The following ARHGAP5 variants were observed in gnomAD, a reference collection of about 807,000 sequenced individuals.
ARHGAP5 encodes the protein Rho GTPase activating protein 5.
Under a neutral mutation model 116.6 loss-of-function variants are expected in ARHGAP5, and 23 were observed. The observed-to-expected ratio is 0.20, with a 90% CI of 0.14 to 0.28. The LOEUF is 0.28. Among genes scored for constraint, ARHGAP5 ranks in the 10% least tolerant of loss-of-function variants. The pLI, the probability that ARHGAP5 is intolerant of heterozygous loss-of-function variation, is 1.00. For synonymous variants in ARHGAP5, 574 were observed against 602.0 expected (o/e 0.95, Z 0.68); for missense variants, 1,405 against 1,774.8 (o/e 0.79, Z 3.74).
intron 2 of ARHGAP5, among the ~76,000 whole-genome samples, chr14:32,115,993 T>TA (rs993795543): frequency 4.5e-4 from 64 of 141,096 alleles, no homozygotes; most frequent in Middle Eastern, 3.8e-3. Flanking sequence ...AGACTCCGTC[T>TA]AAAAAAAAAA....
chr14:32,133,161 A>G (rs1566678602), intron 3 of ARHGAP5, among the ~76,000 whole-genome samples: 1 of 152,182 alleles, frequency 6.6e-6, no homozygotes, highest in Non-Finnish European at 1.5e-5. Context: ...CATTGAATCT[A>G]TAAATTACCT....
intron 1 of ARHGAP5, 151 bp downstream of exon 1, chr14:32,077,586 C>G: frequency 1.8e-6 from 1 of 553,172 alleles, no homozygotes; most frequent in Non-Finnish European, 3.2e-6. Flanking sequence ...GAGCCTGGCG[C>G]TGCGCTCGGT....
intron 3 of ARHGAP5, among the ~76,000 whole-genome samples, chr14:32,130,975 G>A (rs1880455231): frequency 6.6e-6 from 1 of 152,164 alleles, no homozygotes; most frequent in African/African-American, 2.4e-5. Context: ...GAGGCTGGTG[G>A]GAGGTGCTGA....
At chr14:32,153,815 G>A (rs182518847) in intron 6 of ARHGAP5, among the ~76,000 whole-genome samples, 7 of 151,872 alleles carry the variant, frequency 4.6e-5, no homozygotes, top group African/African-American at 1.7e-4. Flanking sequence ...CAGATGCGGT[G>A]GCTCAACACT....
chr14:32,129,914 A>C (rs1430639502), intron 3 of ARHGAP5, among the ~76,000 whole-genome samples: 1 of 152,084 alleles, frequency 6.6e-6, no homozygotes, highest in African/African-American at 2.4e-5. Context: ...CTGTATGACC[A>C]CACTTCCAGG....
intron 2 of ARHGAP5, among the ~76,000 whole-genome samples, chr14:32,109,887 C>G (rs1353389597): frequency 6.6e-6 from 1 of 152,038 alleles, no homozygotes; most frequent in East Asian, 1.9e-4. Flanking sequence ...TGAGGCTGTC[C>G]TGCTTTTTTT....
At chr14:32,086,045 T>G (rs1047912710) in intron 1 of ARHGAP5, among the ~76,000 whole-genome samples, 10 of 152,188 alleles carry the variant, frequency 6.6e-5, no homozygotes, top group African/African-American at 2.2e-4. Flanking sequence ...TAAAGATTTG[T>G]GCCTTGTGAC....
In ARHGAP5 at chr14:32,157,986, CAT is replaced by C. The variant is rs1594406207; in HGVS notation, c.*3042_*3043del. The C allele has an allele frequency of 6.6e-6, 1 of 151,584 alleles. No individual in the cohort carries two copies. The highest frequency in any genetic ancestry group is 2.1e-4 in the South Asian group (1 of 4,828). The allele number at this position is 151,584 out of a possible 1,614,324, so 9.4% of individuals were successfully genotyped here. The stretch of plus-strand genomic sequence containing the variant: ...TATTTGTCAACTGGATATAAATACA[CAT>C]ATAATTTTAAAAAGTCAAAAGTGCT... On this transcript the variant is annotated 3_prime_UTR_variant, in exon 7 of 7. Transcript: ENST00000345122.
chr14:32,089,563 T>C (rs1483747438), intron 1 of ARHGAP5, among the ~76,000 whole-genome samples: 1 of 151,902 alleles, frequency 6.6e-6, no homozygotes, highest in East Asian at 1.9e-4. Flanking sequence ...ATGCAATTCT[T>C]AAAAGTTATC....
At chr14:32,110,759 T>C (rs946906816) in intron 2 of ARHGAP5, among the ~76,000 whole-genome samples, 6 of 152,136 alleles carry the variant, frequency 3.9e-5, no homozygotes, top group African/African-American at 1.4e-4. Flanking sequence ...GATAGCTTTA[T>C]GGGCCAGGGA....
At chr14:32,148,058 C>T (rs929052923) in intron 4 of ARHGAP5, among the ~76,000 whole-genome samples, 4 of 152,072 alleles carry the variant, frequency 2.6e-5, no homozygotes, top group Non-Finnish European at 5.9e-5. Flanking sequence ...GAGGCTGAGG[C>T]GAGAGCATCA....
At chr14:32,139,686 TC>T (rs1023473176) in intron 3 of ARHGAP5, among the ~76,000 whole-genome samples, 5 of 151,718 alleles carry the variant, frequency 3.3e-5, no homozygotes, top group Non-Finnish European at 7.4e-5. Context: ...CTATTGTTTT[TC>T]TACTTTCTAT....
rs193236558 is a variant in ARHGAP5, at chr14:32,138,442, C to T, written c.3866-7821C>T. Among the ~76,000 whole-genome samples, 45 of 152,234 alleles carry T rather than the reference C, an allele frequency of 3.0e-4. No homozygotes were observed. The East Asian group carries it at 7.7e-3, about 26-fold the overall frequency. ...GGGATTACAGGTGGGTGCCACTGCA[C>T]CTGGCTAGTTTTTATATTTTTAGTA... On this transcript the variant is annotated intron_variant, in intron 3 of 6. Coordinates refer to ENST00000345122, the MANE Select transcript of ARHGAP5 (RefSeq NM_001030055.2).
In ARHGAP5 at chr14:32,156,382, G is replaced by C. The variant is rs1881894693; in HGVS notation, c.*1434G>C. On this transcript the variant is annotated 3_prime_UTR_variant, in exon 7 of 7. Coordinates refer to ENST00000345122, the MANE Select transcript of ARHGAP5 (RefSeq NM_001030055.2). Reference sequence around the variant, plus strand: ...TGATTTTCAGATTCAAGGCTCCTAAGAGTTTGATTTGCTCTGTTTTTTCCT... The same window carrying C: ...TGATTTTCAGATTCAAGGCTCCTAACAGTTTGATTTGCTCTGTTTTTTCCT... 6.6e-6 allele frequency: 1 copy of C among 152,334 alleles called. No individual in the cohort carries two copies. Among genetic ancestry groups the C allele is most frequent in the Non-Finnish European group, 1.5e-5 (1 of 67,848 alleles). The allele number at this position is 152,334 out of a possible 1,614,324, so 9.4% of individuals were successfully genotyped here. A position where few individuals can be genotyped will look rare whatever the true frequency, so the allele number is the denominator to read the frequency against.
chr14:32,152,601 T>C, intron 6 of ARHGAP5, 73 bp downstream of exon 6: 1 of 815,536 alleles, frequency 1.2e-6, no homozygotes, highest in Non-Finnish European at 1.9e-6. Context: ...ATTTTATAAA[T>C]TGGATAATTA....
intron 3 of ARHGAP5, among the ~76,000 whole-genome samples, chr14:32,142,913 T>A (rs114539742): frequency 6.6e-6 from 1 of 152,210 alleles, no homozygotes; most frequent in African/African-American, 2.4e-5. Context: ...TCCACCACTT[T>A]TGGTGACATC....
At chr14:32,138,184 A>G (rs1425263550) in intron 3 of ARHGAP5, among the ~76,000 whole-genome samples, 1 of 151,940 alleles carries the variant, frequency 6.6e-6, no homozygotes, top group East Asian at 2.0e-4. Context: ...CAGATTGCTC[A>G]TTGCTGGAGT....
intron 3 of ARHGAP5, among the ~76,000 whole-genome samples, chr14:32,126,908 C>G (rs1200208603): frequency 6.6e-6 from 1 of 151,236 alleles, no homozygotes; most frequent in African/African-American, 2.4e-5. Context: ...CTTAATACCA[C>G]TGAAGTGTAC....
At chr14:32,089,196 A>T (rs1422637787) in intron 1 of ARHGAP5, among the ~76,000 whole-genome samples, 3 of 151,968 alleles carry the variant, frequency 2.0e-5, no homozygotes, top group Non-Finnish European at 4.4e-5. Flanking sequence ...TTAAATTATG[A>T]GCACAGTTTA....
Sources: gnomAD v4.1 joint callset for allele counts (sites outside exome capture counted in the v4.1 genomes callset) on GRCh38, gnomAD v4.1.1 for gene constraint, MANE v1.5 for transcripts, NCBI Gene and HGNC (gene_info 2026-07-23, HGNC 2026-07-21) for gene names.